FBXW11: variants seen among roughly 807,000 people sequenced by gnomAD.
FBXW11 encodes F-box/WD repeat-containing protein 11.
Under a neutral mutation model 77.6 loss-of-function variants are expected in FBXW11, and 19 were observed. The observed-to-expected ratio is 0.24, with a 90% CI of 0.17 to 0.36. FBXW11 has a LOEUF of 0.36. FBXW11 is among the 10% of genes least tolerant of loss of function. The probability of loss-of-function intolerance (pLI) is 1.00; values close to 1 mark genes in which losing one functional copy is unlikely to be tolerated. For synonymous variants in FBXW11, 235 were observed against 249.4 expected (o/e 0.94, Z 0.54); for missense variants, 334 against 704.2 (o/e 0.47, Z 5.95).
At chr5:171,928,291 G>T (rs1761991281) in intron 2 of FBXW11, among the ~76,000 whole-genome samples, 1 of 152,154 alleles carries the variant, frequency 6.6e-6, no homozygotes, top group African/African-American at 2.4e-5. Context: ...TTCATGGATT[G>T]CAAGACTTAA....
intron 2 of FBXW11, among the ~76,000 whole-genome samples, chr5:171,945,613 T>C (rs1056878438): frequency 4.6e-5 from 7 of 152,230 alleles, no homozygotes; most frequent in African/African-American, 7.2e-5. Flanking sequence ...TACATACTTA[T>C]AGTTCTTCCA....
intron 7 of FBXW11, among the ~76,000 whole-genome samples, chr5:171,888,577 T>C (rs968580816): frequency 6.6e-6 from 1 of 152,206 alleles, no homozygotes; most frequent in African/African-American, 2.4e-5. Flanking sequence ...AAAACACACT[T>C]ACCCAAAAAC....
At chr5:171,993,656 C>T (rs1449651501) in intron 1 of FBXW11, among the ~76,000 whole-genome samples, 1 of 152,050 alleles carries the variant, frequency 6.6e-6, no homozygotes, top group Admixed American at 6.6e-5. Flanking sequence ...TGCCAACACA[C>T]ATATCACTGT....
At position 171,982,251 on chromosome 5, in the gene FBXW11, ATTTATT is replaced by A. The variant is rs540116863; in HGVS notation, c.45+24201_45+24206del. ...CATTAGAAGGGTTAAATTTTATTTT[ATTTATT>A]TTTATTTTTATTTATTTATTTATTT... On this transcript the variant is annotated intron_variant, in intron 1 of 13. Coordinates refer to ENST00000517395, the MANE Select transcript of FBXW11 (RefSeq NM_001378974.1). Among the ~76,000 whole-genome samples, 111 of 152,148 alleles carry A rather than the reference ATTTATT, an allele frequency of 7.3e-4. 1 individual carries two copies. Among genetic ancestry groups the A allele is most frequent in the African/African-American group, 2.4e-3 (99 of 41,562 alleles).
intron 1 of FBXW11, among the ~76,000 whole-genome samples, chr5:171,982,962 G>A (rs1765230083): frequency 6.6e-6 from 1 of 152,148 alleles, no homozygotes; most frequent in Admixed American, 6.5e-5. Flanking sequence ...ACCACTTTGG[G>A]AGGCCAAGGC....
chr5:171,999,093 A>G (rs1023284288), intron 1 of FBXW11, among the ~76,000 whole-genome samples: 1 of 152,220 alleles, frequency 6.6e-6, no homozygotes, highest in Non-Finnish European at 1.5e-5. Context: ...AGGAGATCAC[A>G]AAAGTAAAAT....
At chr5:171,967,883 T>TATATATACAC (rs1244744249) in intron 1 of FBXW11, among the ~76,000 whole-genome samples, 18 of 74,986 alleles carry the variant, frequency 2.4e-4, no homozygotes, top group African/African-American at 9.5e-4. Context: ...TATATATATA[T>TATATATACAC]ACACACACAC....
chr5:171,866,420 T>A (rs1036502177), intron 13 of FBXW11, among the ~76,000 whole-genome samples: 1 of 152,184 alleles, frequency 6.6e-6, no homozygotes, highest in African/African-American at 2.4e-5. Flanking sequence ...GCAGATAAGA[T>A]TTTTCCATTG....
chr5:171,908,952 T>C (rs1760705585), intron 4 of FBXW11: 1 of 152,234 alleles, frequency 6.6e-6, no homozygotes, highest in African/African-American at 2.4e-5. Context: ...GTTGTGGTAA[T>C]GGTACTGGCT....
At chr5:171,908,257 A>T (rs1382044840) in intron 4 of FBXW11, among the ~76,000 whole-genome samples, 1 of 152,190 alleles carries the variant, frequency 6.6e-6, no homozygotes, top group Non-Finnish European at 1.5e-5. Flanking sequence ...AATCAAAAGC[A>T]TGTCTCCATC....
intron 7 of FBXW11, among the ~76,000 whole-genome samples, chr5:171,886,561 T>C (rs1758896079): frequency 6.6e-6 from 1 of 151,464 alleles, no homozygotes; most frequent in Non-Finnish European, 1.5e-5. Context: ...ACCCTAAAAC[T>C]TAAAGTATAA....
At chr5:171,939,696 CAAAAA>C (rs58051402) in intron 2 of FBXW11, among the ~76,000 whole-genome samples, 13 of 80,058 alleles carry the variant, frequency 1.6e-4, no homozygotes, top group East Asian at 3.8e-4. Context: ...GACCCTGTCT[CAAAAA>C]AAAAAAAAAA....
At position 171,915,719 on chromosome 5, in the gene FBXW11, T is replaced by C. The variant is rs565019177; in HGVS notation, c.148-1314A>G. 8.6e-5 allele frequency among the ~76,000 whole-genome samples: 13 copies of C among 150,648 alleles called. No individual in the cohort carries two copies. The South Asian group carries it at 1.9e-3, about 22-fold the overall frequency. ...ACAGAGTTGTTGTGGGGATGGAGAC[T>C]GCCCTACACAATGCTTAGTGCATAA... On this transcript the variant is annotated intron_variant, in intron 2 of 13. Coordinates refer to ENST00000517395, the MANE Select transcript of FBXW11 (RefSeq NM_001378974.1).
chr5:171,983,913 C>A (rs1353338743), intron 1 of FBXW11, among the ~76,000 whole-genome samples: 1 of 151,840 alleles, frequency 6.6e-6, no homozygotes, highest in African/African-American at 2.4e-5. Context: ...GCCAAGTACT[C>A]AGCAACCCAA....
chr5:171,884,794 C>T (rs1289672725), intron 7 of FBXW11, among the ~76,000 whole-genome samples: 3 of 152,132 alleles, frequency 2.0e-5, no homozygotes, highest in Admixed American at 2.0e-4. Flanking sequence ...GGTCTTTTGA[C>T]TCCTTGATTA....
chr5:171,872,387 T>A (rs1757808673), intron 10 of FBXW11, among the ~76,000 whole-genome samples: 1 of 152,198 alleles, frequency 6.6e-6, no homozygotes, highest in Non-Finnish European at 1.5e-5. Context: ...GGGATGTTCT[T>A]AGTAAGATAC....
intron 1 of FBXW11, among the ~76,000 whole-genome samples, chr5:171,986,384 C>G (rs1019283134): frequency 5.9e-5 from 9 of 151,914 alleles, no homozygotes; most frequent in African/African-American, 1.7e-4. Context: ...GCCTGGGTGA[C>G]AGAGTGAGAC....
chr5:171,993,377 G>T (rs563855535), intron 1 of FBXW11, among the ~76,000 whole-genome samples: 3 of 152,102 alleles, frequency 2.0e-5, no homozygotes, highest in Non-Finnish European at 4.4e-5. Flanking sequence ...ACTATGGAAG[G>T]CCCAGGCGGG....
At position 171,995,752 on chromosome 5, in the gene FBXW11, C is replaced by CA. The variant is rs542185354; in HGVS notation, c.45+10705dup. Among the ~76,000 whole-genome samples, 798 of 137,682 alleles carry CA rather than the reference C, an allele frequency of 5.8e-3. 1 individual carries two copies. Among genetic ancestry groups the CA allele is most frequent in the Middle Eastern group, 0.023 (6 of 266 alleles). 90.3% of individuals were successfully genotyped at this position (137,682 alleles called of 152,430 possible). A position where few individuals can be genotyped will look rare whatever the true frequency, so the allele number is the denominator to read the frequency against. On this transcript the variant is annotated intron_variant, in intron 1 of 13. Transcript: ENST00000517395. Reference sequence around the variant, plus strand: ...TGGGCGACAGAGCGAGACTCCGCCTCAAAAAAAAAAAATCATATTAAATTA... The same window carrying CA: ...TGGGCGACAGAGCGAGACTCCGCCTCAAAAAAAAAAAAATCATATTAAATTA...
Sources: gnomAD v4.1 joint callset for allele counts (sites outside exome capture counted in the v4.1 genomes callset) on GRCh38, gnomAD v4.1.1 for gene constraint, MANE v1.5 for transcripts, NCBI Gene and HGNC (gene_info 2026-07-23, HGNC 2026-07-21) for gene names.